Variants in RHBDL2 observed in about 807,000 individuals in gnomAD.
RHBDL2 encodes rhomboid like 2, also known as rhomboid-related protein 2.
In RHBDL2, 26 loss-of-function variants were observed where a neutral mutation model predicts 31.7. That is an observed-to-expected ratio of 0.82 (90% CI 0.60 to 1.14). The LOEUF (loss-of-function observed/expected upper bound fraction) is 1.14. RHBDL2 is among the 50% of genes most tolerant of loss of function. The pLI, the probability that RHBDL2 is intolerant of heterozygous loss-of-function variation, is 0.00. For synonymous variants in RHBDL2, 123 were observed against 127.2 expected (o/e 0.97, Z 0.22); for missense variants, 336 against 364.4 (o/e 0.92, Z 0.63).
intron 4 of RHBDL2, among the ~76,000 whole-genome samples, chr1:38,899,515 G>A (rs1464490717): frequency 6.6e-6 from 1 of 152,212 alleles, no homozygotes; most frequent in East Asian, 1.9e-4. Context: ...GTGGGGCATG[G>A]GGATGCTGAC....
rs946863630 is a variant in RHBDL2, at chr1:38,885,939, C to CT, written c.*564dup. 4 of 152,530 alleles carry CT rather than the reference C, an allele frequency of 2.6e-5. No homozygotes were observed. The highest frequency in any genetic ancestry group is 9.7e-5 in the African/African-American group (4 of 41,432). The allele number at this position is 152,530 out of a possible 1,614,324, so 9.4% of individuals were successfully genotyped here. ...CATATGCCTGGGAAAGACCCAATCT[C>CT]TAATTTTGTTTTGTTTTGTTTTGTT... On this transcript the variant is annotated 3_prime_UTR_variant, in exon 8 of 8. Transcript: ENST00000372990.
intron 1 of RHBDL2, chr1:38,926,653 A>G (rs1176211339): frequency 6.6e-6 from 1 of 152,152 alleles, no homozygotes; most frequent in African/African-American, 2.4e-5. Context: ...CCTGACCAAC[A>G]TGGTAAAACC....
intron 4 of RHBDL2, among the ~76,000 whole-genome samples, chr1:38,903,759 T>A (rs955507173): frequency 2.6e-5 from 4 of 152,068 alleles, no homozygotes; most frequent in African/African-American, 9.7e-5. Context: ...AGCCAAAAAA[T>A]TTGTGAAAAA....
At position 38,937,810 on chromosome 1, in the gene RHBDL2, C is replaced by T. The variant is rs12057294; in HGVS notation, c.-126+3872G>A. Among the ~76,000 whole-genome samples the T allele has an allele frequency of 1.5e-3, 231 of 152,250 alleles. 1 individual carries two copies. Among genetic ancestry groups the T allele is most frequent in the African/African-American group, 3.9e-3 (160 of 41,552 alleles). ...AACAGATTCACTGTGACCCAGTATA[C>T]AGCTGAGGGCAAAGTACCAGTCATC... On this transcript the variant is annotated intron_variant, in intron 1 of 7. Coordinates refer to ENST00000372990, the MANE Select transcript of RHBDL2 (RefSeq NM_017821.5).
intron 4 of RHBDL2, among the ~76,000 whole-genome samples, chr1:38,902,987 C>A (rs574190600): frequency 1.3e-5 from 2 of 152,074 alleles, no homozygotes; most frequent in Non-Finnish European, 2.9e-5. Context: ...CAAGTACAGA[C>A]AACATAATAA....
intron 6 of RHBDL2, 87 bp from the exon 7 acceptor site, chr1:38,888,111 C>A (rs1321679695): frequency 9.7e-5 from 78 of 804,102 alleles, no homozygotes; most frequent in Non-Finnish European, 1.3e-4. Flanking sequence ...AATAATAATA[C>A]TAGCTATCAT....
intron 4 of RHBDL2, among the ~76,000 whole-genome samples, chr1:38,911,038 C>T (rs1008756110): frequency 6.6e-6 from 1 of 152,028 alleles, no homozygotes; most frequent in Non-Finnish European, 1.5e-5. Context: ...ATCAGCCTCC[C>T]AAAGTGCTGG....
chr1:38,929,048 G>A (rs1643411219), intron 1 of RHBDL2, among the ~76,000 whole-genome samples: 1 of 151,830 alleles, frequency 6.6e-6, no homozygotes, highest in Admixed American at 6.6e-5. Flanking sequence ...CTCCAGCCTG[G>A]GTGACAGAGC....
intron 5 of RHBDL2, among the ~76,000 whole-genome samples, chr1:38,894,207 C>A (rs749373023): frequency 6.6e-6 from 1 of 152,258 alleles, no homozygotes; most frequent in Middle Eastern, 3.4e-3. Flanking sequence ...TAAAGTGAGT[C>A]TACAACCACT....
rs1399583863 is a variant in RHBDL2 at position 38,912,910 on chromosome 1, A to ATATATGTGTGTGTGTG, written c.396-1477_396-1476insCACACACACACATATA. Among the ~76,000 whole-genome samples, 62 of 41,358 alleles carry ATATATGTGTGTGTGTG rather than the reference A, an allele frequency of 1.5e-3. 1 individual carries two copies. The highest frequency in any genetic ancestry group is 0.014 in the Middle Eastern group (1 of 70). The allele number at this position is 41,358 out of a possible 152,430, so 27.1% of individuals were successfully genotyped here. ...TATATATATATATATATATATATAT[A>ATATATGTGTGTGTGTG]TGTGTGTGTGTGTGTGTGTGTGTGT... On this transcript the variant is annotated intron_variant, in intron 3 of 7. Coordinates refer to ENST00000372990, the MANE Select transcript of RHBDL2 (RefSeq NM_017821.5).
intron 1 of RHBDL2, among the ~76,000 whole-genome samples, chr1:38,935,207 T>G (rs887966004): frequency 3.3e-5 from 5 of 152,142 alleles, no homozygotes; most frequent in African/African-American, 9.7e-5. Flanking sequence ...TCAAACCAAT[T>G]AGCCAAATCA....
intron 1 of RHBDL2, among the ~76,000 whole-genome samples, chr1:38,938,811 A>G (rs183477774): frequency 6.6e-6 from 1 of 152,308 alleles, no homozygotes; most frequent in Admixed American, 6.5e-5. Flanking sequence ...CATCTAGAGC[A>G]TCAATGTCTT....
chr1:38,912,075 G>A (rs1280077134), intron 3 of RHBDL2, among the ~76,000 whole-genome samples: 5 of 151,796 alleles, frequency 3.3e-5, no homozygotes, highest in South Asian at 4.2e-4. Flanking sequence ...GAGTTCAAGC[G>A]ATTCTCCTGC....
intron 4 of RHBDL2, among the ~76,000 whole-genome samples, chr1:38,909,934 A>G (rs1158452120): frequency 6.6e-6 from 1 of 152,164 alleles, no homozygotes; most frequent in Non-Finnish European, 1.5e-5. Context: ...ATAGCCAAAA[A>G]CTGAAACAAC....
rs1054890035 is a variant in RHBDL2 at position 38,919,012 on chromosome 1, G to A, written c.201C>T (p.Asn67=). 1 of 1,614,184 alleles carries A rather than the reference G, an allele frequency of 6.2e-7. No homozygotes were observed. The highest frequency in any genetic ancestry group is 8.5e-7 in the Non-Finnish European group (1 of 1,180,042). ...TGATGAACACGGGAGGCGGGAAGCAGTTAGCTCTCTCCAAGTATGTTCCTC... is the reference window on the plus strand; with the variant it reads ...TGATGAACACGGGAGGCGGGAAGCAATTAGCTCTCTCCAAGTATGTTCCTC... ...KSRGTYLERA[N]CFPPPVFIIS... Residue 67 remains asparagine, a synonymous_variant, in exon 2 of 8, where the codon AAC becomes AAT. Transcript: ENST00000372990.
At chr1:38,911,994 G>A (rs868336623) in intron 3 of RHBDL2, among the ~76,000 whole-genome samples, 2 of 150,530 alleles carry the variant, frequency 1.3e-5, no homozygotes, top group Admixed American at 6.6e-5. Flanking sequence ...TTTGGTAGAC[G>A]GAGTTTTGCT....
chr1:38,895,085 A>G (rs924176059), intron 5 of RHBDL2, among the ~76,000 whole-genome samples: 10 of 152,224 alleles, frequency 6.6e-5, no homozygotes, highest in Non-Finnish European at 1.2e-4. Flanking sequence ...GATTCATTAA[A>G]TAAATCATGG....
chr1:38,893,914 AT>A (rs1042419903), intron 5 of RHBDL2, among the ~76,000 whole-genome samples: 7 of 151,962 alleles, frequency 4.6e-5, no homozygotes, highest in African/African-American at 1.7e-4. Flanking sequence ...TCATTGTTGG[AT>A]TTTAGCTTTG....
intron 4 of RHBDL2, among the ~76,000 whole-genome samples, chr1:38,896,419 G>T (rs1642919093): frequency 6.6e-6 from 1 of 152,186 alleles, no homozygotes; most frequent in African/African-American, 2.4e-5. Context: ...TTAATGGATT[G>T]TCAGGGTAAA....
Sources: allele counts gnomAD v4.1 joint callset (sites outside exome capture counted in the v4.1 genomes callset), GRCh38; gene constraint gnomAD v4.1.1; transcripts MANE v1.5; gene names NCBI Gene and HGNC (gene_info 2026-07-23, HGNC 2026-07-21).